EYS: variants seen among roughly 807,000 people sequenced by gnomAD.
The protein encoded by EYS is protein eyes shut homolog.
A neutral mutation model predicts 282.1 loss-of-function variants in EYS; 250 were observed. The ratio of observed to expected loss-of-function variants is 0.89; its 90% CI spans 0.80 to 0.98. The LOEUF is 0.98. EYS is among the 50% of genes least tolerant of loss of function. The pLI, the probability that EYS is intolerant of heterozygous loss-of-function variation, is 0.00. For synonymous variants in EYS, 1,355 were observed against 1,282.9 expected (o/e 1.06, Z -1.20); for missense variants, 4,016 against 3,709.0 (o/e 1.08, Z -2.15).
chr6:64,742,931 G>A (rs1772423864), intron 22 of EYS, among the ~76,000 whole-genome samples: 1 of 152,014 alleles, frequency 6.6e-6, no homozygotes, highest in Admixed American at 6.6e-5. Flanking sequence ...AAAGGAATTA[G>A]GTTAACTGCA....
intron 2 of EYS, among the ~76,000 whole-genome samples, chr6:65,613,187 C>T (rs186058805): frequency 9.9e-5 from 15 of 151,824 alleles, no homozygotes; most frequent in Admixed American, 9.2e-4. Flanking sequence ...CATGCAAAAT[C>T]ACATTATTTA....
At chr6:65,510,265 T>C (rs1419176687) in intron 2 of EYS, among the ~76,000 whole-genome samples, 2 of 146,866 alleles carry the variant, frequency 1.4e-5, no homozygotes, top group Admixed American at 1.4e-4. Flanking sequence ...GGAATTGCGG[T>C]GTTTGGTTTT....
chr6:65,624,794 G>A lies in EYS; in HGVS notation c.-333+14984C>T, dbSNP rs74359070. 1.1e-4 allele frequency among the ~76,000 whole-genome samples: 16 copies of A among 152,286 alleles called. No individual in the cohort carries two copies. The East Asian group carries it at 3.1e-3, about 29-fold the overall frequency. ...ACCTTTTGGACTTACACTACTGTAT[G>A]TCAGGGGCTCTTGGGCCTTTGGCCA... On this transcript the variant is annotated intron_variant, in intron 2 of 42. Transcript: ENST00000503581.
chr6:65,201,076 A>G (rs609136), intron 12 of EYS, among the ~76,000 whole-genome samples: 10,747 of 152,166 alleles, frequency 0.071, 427 homozygotes, highest in African/African-American at 0.11. Flanking sequence ...AGTTATAACT[A>G]TCTATTGACG....
At chr6:64,223,196 C>T (rs1438975106) in intron 31 of EYS, among the ~76,000 whole-genome samples, 1 of 151,960 alleles carries the variant, frequency 6.6e-6, no homozygotes, top group African/African-American at 2.4e-5. Flanking sequence ...ATTCTTCCCA[C>T]TGTTTAACCA....
chr6:64,395,728 A>C (rs1365768919), intron 28 of EYS, among the ~76,000 whole-genome samples: 1 of 151,832 alleles, frequency 6.6e-6, no homozygotes, highest in Non-Finnish European at 1.5e-5. Context: ...GCACATGTAT[A>C]CATATGTAAC....
chr6:64,629,784 G>A (rs561585895), intron 22 of EYS, among the ~76,000 whole-genome samples: 9 of 152,222 alleles, frequency 5.9e-5, no homozygotes, highest in African/African-American at 2.2e-4. Flanking sequence ...TTCAAAAATA[G>A]TAGAGGGTTT....
At chr6:64,011,385 T>C (rs1768617839) in intron 33 of EYS, among the ~76,000 whole-genome samples, 1 of 152,178 alleles carries the variant, frequency 6.6e-6, no homozygotes, top group African/African-American at 2.4e-5. Context: ...AAAATTGTCT[T>C]TAATTTGTGA....
At chr6:64,290,742 C>T (rs1277856606) in intron 30 of EYS, among the ~76,000 whole-genome samples, 1 of 151,420 alleles carries the variant, frequency 6.6e-6, no homozygotes, top group Non-Finnish European at 1.5e-5. Flanking sequence ...ATGTTCGAGT[C>T]GTAAGTGGCA....
chr6:64,819,904 G>T (rs1764849476), intron 21 of EYS, among the ~76,000 whole-genome samples: 1 of 151,986 alleles, frequency 6.6e-6, no homozygotes, highest in African/African-American at 2.4e-5. Flanking sequence ...CTATAAGTAG[G>T]CAAGGCACAA....
chr6:64,699,119 T>C (rs1308501611), intron 22 of EYS, among the ~76,000 whole-genome samples: 1 of 152,092 alleles, frequency 6.6e-6, no homozygotes, highest in African/African-American at 2.4e-5. Context: ...GGTACATATA[T>C]ACCATAGAAT....
chr6:65,681,913 C>T (rs1768838445), intron 1 of EYS, among the ~76,000 whole-genome samples: 1 of 151,896 alleles, frequency 6.6e-6, no homozygotes, highest in African/African-American at 2.4e-5. Context: ...ACCTGTCAAG[C>T]TCTGTGAGAG....
chr6:65,577,187 G>A (rs1451204693), intron 2 of EYS, among the ~76,000 whole-genome samples: 1 of 151,838 alleles, frequency 6.6e-6, no homozygotes, highest in Admixed American at 6.6e-5. Flanking sequence ...CAAAGCTATA[G>A]TAATCAAAAC....
intron 26 of EYS, among the ~76,000 whole-genome samples, chr6:64,536,378 A>C (rs1764519031): frequency 6.6e-6 from 1 of 152,220 alleles, no homozygotes; most frequent in South Asian, 2.1e-4. Flanking sequence ...CAGGAATTCC[A>C]GAATAAGTCA....
At chr6:64,161,206 T>A (rs554999643) in intron 31 of EYS, among the ~76,000 whole-genome samples, 1 of 152,316 alleles carries the variant, frequency 6.6e-6, no homozygotes, top group East Asian at 1.9e-4. Flanking sequence ...ATAAATAACA[T>A]GTTTCTATAG....
At chr6:65,644,293 A>G (rs1273041792) in intron 1 of EYS, among the ~76,000 whole-genome samples, 1 of 152,190 alleles carries the variant, frequency 6.6e-6, no homozygotes, top group Non-Finnish European at 1.5e-5. Flanking sequence ...TCTCAGCAAT[A>G]GAATAGAACA....
chr6:63,950,065 C>T (rs895333086), intron 35 of EYS, among the ~76,000 whole-genome samples: 6 of 151,694 alleles, frequency 4.0e-5, no homozygotes, highest in East Asian at 1.9e-4. Context: ...ACCAGCTACT[C>T]GGGAGGCTGA....
chr6:64,471,402 C>A (rs1354729825), intron 26 of EYS, among the ~76,000 whole-genome samples: 1 of 152,018 alleles, frequency 6.6e-6, no homozygotes, highest in East Asian at 1.9e-4. Flanking sequence ...AAAGCCCAGA[C>A]ACAAAATCAA....
At chr6:65,145,427 G>A (rs1326805005) in intron 12 of EYS, among the ~76,000 whole-genome samples, 3 of 151,482 alleles carry the variant, frequency 2.0e-5, no homozygotes, top group Non-Finnish European at 4.4e-5. Flanking sequence ...GTATCTTTAG[G>A]TATTTGTGTC....
Sources: gnomAD v4.1 joint callset for allele counts (sites outside exome capture counted in the v4.1 genomes callset) on GRCh38, gnomAD v4.1.1 for gene constraint, MANE v1.5 for transcripts, NCBI Gene and HGNC (gene_info 2026-07-23, HGNC 2026-07-21) for gene names.